The following LRRC56 variants were observed in gnomAD, a reference collection of about 807,000 sequenced individuals.
The protein encoded by LRRC56 is leucine rich repeat containing 56.
LRRC56 carries 41 observed loss-of-function variants against 47.8 expected under a neutral mutation model. The observed-to-expected ratio is 0.86, with a 90% CI of 0.67 to 1.11. The LOEUF (loss-of-function observed/expected upper bound fraction) is 1.11. LRRC56 is among the 50% of genes most tolerant of loss of function. LRRC56 has a pLI of 0.00. For missense variants in LRRC56, 759 were observed against 704.2 expected, an observed-to-expected ratio of 1.08 and a Z score of -0.88; for synonymous variants, 387 against 311.2, an observed-to-expected ratio of 1.24 and a Z score of -2.56.
At chr11:547,595 G>T (rs1019746275) in intron 6 of LRRC56, among the ~76,000 whole-genome samples, 1 of 150,612 alleles carries the variant, frequency 6.6e-6, no homozygotes, top group African/African-American at 2.4e-5. Context: ...CTCATGATCT[G>T]CCCGCCTCGG....
the LRRC56 span, among the ~76,000 whole-genome samples, chr11:531,047 C>T: frequency 3.3e-4 from 33 of 99,546 alleles, no homozygotes; most frequent in South Asian, 0.011. Context: ...GTGTGGCGTC[C>T]CCTGGAGAGA....
At chr11:514,040 G>C in the LRRC56 span, among the ~76,000 whole-genome samples, 1 of 152,092 alleles carries the variant, frequency 6.6e-6, no homozygotes, top group South Asian at 2.1e-4. Flanking sequence ...TGCCCAGGCT[G>C]GAATGTAGTG....
chr11:538,248 G>A (rs1247221922), intron 1 of LRRC56, among the ~76,000 whole-genome samples: 10 of 152,174 alleles, frequency 6.6e-5, no homozygotes, highest in African/African-American at 1.9e-4. Flanking sequence ...AGGAGACAAG[G>A]GTAGCTGACT....
chr11:551,527 T>C, intron 9 of LRRC56, 124 bp from the exon 10 acceptor site: 1 of 1,058,306 alleles, frequency 9.4e-7, no homozygotes, highest in Non-Finnish European at 1.4e-6. Flanking sequence ...TCTAGAAGGC[T>C]GCAGCGTGAG....
chr11:536,189 G>T (rs1342680330), upstream of LRRC56, among the ~76,000 whole-genome samples: 1 of 152,228 alleles, frequency 6.6e-6, no homozygotes, highest in Non-Finnish European at 1.5e-5. Flanking sequence ...GGGCGCAGCC[G>T]TGTGCCCTGG....
chr11:551,425 G>A (rs1434867068), intron 9 of LRRC56, 123 bp downstream of exon 9: 24 of 802,306 alleles, frequency 3.0e-5, no homozygotes, highest in Middle Eastern at 2.4e-4. Flanking sequence ...CCTTGACCCC[G>A]GTCCCCAGAG....
chr11:534,744 C>T (rs1458060424), upstream of LRRC56, among the ~76,000 whole-genome samples: 1 of 152,232 alleles, frequency 6.6e-6, no homozygotes. Flanking sequence ...CACGGCGGAG[C>T]GCGCCACGGC....
intron 9 of LRRC56, 65 bp downstream of exon 9, chr11:551,367 C>A: frequency 3.7e-6 from 4 of 1,089,616 alleles, no homozygotes; most frequent in Non-Finnish European, 5.2e-6. Context: ...GAGGCCCCCA[C>A]CCCAGGCTTC....
At chr11:537,729 G>C (rs1283371751) in intron 1 of LRRC56, 124 bp downstream of exon 1, 1 of 152,344 alleles carries the variant, frequency 6.6e-6, no homozygotes, top group Non-Finnish European at 1.5e-5. Context: ...GGGACCCAGT[G>C]ATGGCCCCGC....
At chr11:542,365 C>G (rs918440692) in intron 5 of LRRC56, among the ~76,000 whole-genome samples, 1 of 152,098 alleles carries the variant, frequency 6.6e-6, no homozygotes, top group Admixed American at 6.5e-5. Context: ...AATCCCAGCA[C>G]CGTGGGAGTC....
At chr11:526,182 G>T in the LRRC56 span, among the ~76,000 whole-genome samples, 10 of 152,184 alleles carry the variant, frequency 6.6e-5, no homozygotes, top group Non-Finnish European at 1.3e-4. Context: ...ACTCCAGCCT[G>T]GGCGACAGTG....
Position 554,329 on chromosome 11 carries a change from A to C in LRRC56, c.*53A>C. Reference sequence around the variant, plus strand: ...TGCTGGGGCCACGACTTGCCCACATATGTGGTCACAGAGCACAGAATACCT... The same window carrying C: ...TGCTGGGGCCACGACTTGCCCACATCTGTGGTCACAGAGCACAGAATACCT... On this transcript the variant is annotated 3_prime_UTR_variant, in exon 14 of 14. Transcript: ENST00000270115. 6.4e-6 allele frequency: 9 copies of C among 1,412,488 alleles called. No homozygotes were observed. Among genetic ancestry groups the C allele is most frequent in the Non-Finnish European group, 7.5e-6 (8 of 1,072,836 alleles). The allele number at this position is 1,412,488 out of a possible 1,614,324, so 87.5% of individuals were successfully genotyped here. A position where few individuals can be genotyped will look rare whatever the true frequency, so the allele number is the denominator to read the frequency against.
chr11:543,710 A>G (rs1255249319), intron 5 of LRRC56, among the ~76,000 whole-genome samples: 6 of 151,648 alleles, frequency 4.0e-5, no homozygotes, highest in Non-Finnish European at 7.4e-5. Context: ...TCCCACAGGC[A>G]TGGTCTTGGA....
chr11:552,627 C>T lies in LRRC56; in HGVS notation c.1240C>T (p.Pro414Ser). 6.2e-7 allele frequency: 1 copy of T among 1,610,854 alleles called. No homozygotes were observed. The highest frequency in any genetic ancestry group is 8.5e-7 in the Non-Finnish European group (1 of 1,178,832). The change falls in exon 13 of 14, where the codon CCA becomes TCA. Residue 414 changes from proline (P) to serine (S), a missense_variant. Transcript: ENST00000270115. ...QQEGAVAPWGPRRVPEEQVHQ... is the reference protein window; with the variant it reads ...QQEGAVAPWGSRRVPEEQVHQ... ...GGAAGGGGCTGTAGCCCCCTGGGGCCCACGGAGGGTCCCTGAAGAGCAAGT... is the reference window on the plus strand; with the variant it reads ...GGAAGGGGCTGTAGCCCCCTGGGGCTCACGGAGGGTCCCTGAAGAGCAAGT...
At chr11:534,671 G>A (rs1589794515), upstream of LRRC56, 2 of 394,846 alleles carry the variant, frequency 5.1e-6, no homozygotes, top group South Asian at 5.6e-5. Context: ...CTGCTGGGTC[G>A]GCAGAAAGGC....
chr11:526,522 C>T, the LRRC56 span, among the ~76,000 whole-genome samples: 26 of 152,326 alleles, frequency 1.7e-4, 1 homozygote, highest in South Asian at 5.4e-3. Context: ...AAGTCTACGT[C>T]CTCGGGGGGC....
At position 546,438 on chromosome 11, in the gene LRRC56, G is replaced by C. The variant is rs561915971; in HGVS notation, c.326+1658G>C. 8.6e-3 allele frequency among the ~76,000 whole-genome samples: 1,306 copies of C among 151,968 alleles called. 9 individuals carry two copies. The highest frequency in any genetic ancestry group is 0.027 in the Middle Eastern group (8 of 294). Reference sequence around the variant, plus strand: ...AAAAAATTAGCCGGGCGTGGTGGTGGGCGCCTGTAGTCCCAGCTACTCGGG... The same window carrying C: ...AAAAAATTAGCCGGGCGTGGTGGTGCGCGCCTGTAGTCCCAGCTACTCGGG... On this transcript the variant is annotated intron_variant, in intron 6 of 13. Transcript: ENST00000270115.
At chr11:510,186 C>T in the LRRC56 span, among the ~76,000 whole-genome samples, 1 of 152,164 alleles carries the variant, frequency 6.6e-6, no homozygotes, top group Non-Finnish European at 1.5e-5. Flanking sequence ...GCAAGAGACC[C>T]CCAGTGTTCA....
At chr11:534,037 A>T (rs557379237), upstream of LRRC56, 2,020 of 1,394,296 alleles carry the variant, frequency 1.4e-3, 4 homozygotes, top group Non-Finnish European at 1.9e-3. Flanking sequence ...CATGCCCCTC[A>T]TGCCCCCTCC....
Sources: allele counts gnomAD v4.1 joint callset (sites outside exome capture counted in the v4.1 genomes callset), GRCh38; gene constraint gnomAD v4.1.1; transcripts MANE v1.5; gene names NCBI Gene and HGNC (gene_info 2026-07-23, HGNC 2026-07-21).